PAX3: variants seen among roughly 807,000 people sequenced by gnomAD.
PAX3 encodes paired box 3.
A neutral mutation model predicts 51.6 loss-of-function variants in PAX3; 14 were observed. The observed-to-expected ratio is 0.27, with a 90% CI of 0.18 to 0.42. PAX3 has a LOEUF of 0.42. PAX3 is among the 10% of genes least tolerant of loss of function. PAX3 has a pLI of 1.00. For synonymous variants in PAX3, 280 were observed against 253.4 expected (o/e 1.11, Z -1.00); for missense variants, 540 against 642.8 (o/e 0.84, Z 1.73).
rs149208357 is a variant in PAX3 at position 222,280,430 on chromosome 2, G to A, written c.586+13737C>T. The stretch of plus-strand genomic sequence containing the variant: ...AGAAAGAAAAAAGAAAGAAAGAAAG[G>A]AAGGAAGGAAGGAAGAAAGAAAGAG... On this transcript the variant is annotated intron_variant, in intron 4 of 8. Transcript: ENST00000392070. 4.2e-3 allele frequency among the ~76,000 whole-genome samples: 629 copies of A among 150,202 alleles called. 2 individuals carry two copies. The highest frequency in any genetic ancestry group is 0.01 in the African/African-American group (414 of 40,710).
In PAX3 at chr2:222,200,139, A is replaced by C. The variant is rs1691238819; in HGVS notation, c.*1269T>G. 1 of 214,892 alleles carries C rather than the reference A, an allele frequency of 4.7e-6. No homozygotes were observed. The highest frequency in any genetic ancestry group is 9.4e-6 in the Non-Finnish European group (1 of 106,134). The allele number at this position is 214,892 out of a possible 1,614,324, so 13.3% of individuals were successfully genotyped here. On this transcript the variant is annotated 3_prime_UTR_variant, in exon 9 of 9. Transcript: ENST00000392070. Reference sequence around the variant, plus strand: ...TGCCTACCTCATTCGTGGTTCCAAGAATAGAAAGAAATAAATAACACTGCC... The same window carrying C: ...TGCCTACCTCATTCGTGGTTCCAAGCATAGAAAGAAATAAATAACACTGCC...
At chr2:222,277,718 G>A (rs113511835) in intron 4 of PAX3, among the ~76,000 whole-genome samples, 4 of 151,950 alleles carry the variant, frequency 2.6e-5, no homozygotes, top group Admixed American at 2.0e-4. Flanking sequence ...GGCGGATCAC[G>A]AGGTCAAGAG....
chr2:222,221,086 G>T, intron 6 of PAX3, 136 bp downstream of exon 6: 1 of 837,238 alleles, frequency 1.2e-6, no homozygotes, highest in Non-Finnish European at 2.1e-6. Context: ...AATGTGATAG[G>T]TACGTTCAGG....
chr2:222,280,674 C>G (rs1452182867), intron 4 of PAX3, among the ~76,000 whole-genome samples: 1 of 152,156 alleles, frequency 6.6e-6, no homozygotes, highest in Non-Finnish European at 1.5e-5. Context: ...GAAAGACCAG[C>G]TGATACTTTC....
At chr2:222,274,722 GA>G (rs1044446763) in intron 4 of PAX3, among the ~76,000 whole-genome samples, 2 of 151,538 alleles carry the variant, frequency 1.3e-5, no homozygotes, top group Admixed American at 6.6e-5. Flanking sequence ...AGAAAACATG[GA>G]AAAAAAATAA....
At chr2:222,221,489 G>A in intron 5 of PAX3, 102 bp from the exon 6 acceptor site, 1 of 1,094,212 alleles carries the variant, frequency 9.1e-7, no homozygotes. Context: ...CTTACTGAAA[G>A]GGCAAATAGA....
At chr2:222,261,562 G>C (rs1409262069) in intron 4 of PAX3, among the ~76,000 whole-genome samples, 1 of 150,798 alleles carries the variant, frequency 6.6e-6, no homozygotes, top group African/African-American at 2.4e-5. Flanking sequence ...CAGAACAGAG[G>C]GTGGGTTTCT....
At chr2:222,251,035 G>T (rs1693410132) in intron 4 of PAX3, among the ~76,000 whole-genome samples, 1 of 152,116 alleles carries the variant, frequency 6.6e-6, no homozygotes. Context: ...ACCACTTTGT[G>T]GTCATAACCA....
At chr2:222,246,320 A>G (rs991520522) in intron 4 of PAX3, among the ~76,000 whole-genome samples, 3 of 152,242 alleles carry the variant, frequency 2.0e-5, no homozygotes, top group Non-Finnish European at 4.4e-5. Context: ...ACAGATGCCA[A>G]CATTTAAAGA....
intron 5 of PAX3, among the ~76,000 whole-genome samples, chr2:222,223,351 TA>T (rs1245944396): frequency 3.3e-5 from 5 of 152,288 alleles, no homozygotes; most frequent in African/African-American, 1.2e-4. Context: ...ATAATTGAAT[TA>T]GAGTTTTACT....
At position 222,220,192 on chromosome 2, in the gene PAX3, G is replaced by A. The variant is rs45607236; in HGVS notation, c.1121C>T (p.Ser374Leu). 2.4e-5 allele frequency: 39 copies of A among 1,613,774 alleles called. No individual in the cohort carries two copies. The Admixed American group carries it at 4.3e-4, about 18-fold the overall frequency. ...GGGGTTCATGGGGTTGGAGGGCCCC[G>A]ACGGAGGCACAAAGCTGTCTGTATA... ...SSYTDSFVPPSGPSNPMNPTI... is the reference protein window; with the variant it reads ...SSYTDSFVPPLGPSNPMNPTI... Residue 374 changes from serine (S) to leucine (L), a missense_variant, in exon 7 of 9, where the codon TCG (serine) becomes TTG (leucine). Physicochemically the swap from Ser to Leu is moderately radical, Grantham distance 145 (BLOSUM62 -2). Coordinates refer to ENST00000392070, the MANE Select transcript of PAX3 (RefSeq NM_181458.4).
rs1326884522 is a variant in PAX3, at chr2:222,214,871, A to G, written c.1173+5269T>C. ...TTCTTACCATGGGGATTTATTAATA[A>G]CAGTTAAAGGTTCTCTAAAACAAAA... On this transcript the variant is annotated intron_variant, in intron 7 of 8. Transcript: ENST00000392070. 36 of 148,650 alleles carry G rather than the reference A, an allele frequency of 2.4e-4. No individual in the cohort carries two copies. The Admixed American group carries it at 2.5e-3, about 10-fold the overall frequency. The allele number at this position is 148,650 out of a possible 1,614,324, so 9.2% of individuals were successfully genotyped here.
intron 5 of PAX3, among the ~76,000 whole-genome samples, chr2:222,227,289 C>T (rs1417645782): frequency 6.6e-6 from 1 of 152,138 alleles, no homozygotes; most frequent in African/African-American, 2.4e-5. Context: ...TTTACTAAAA[C>T]TTTTGCACAT....
Position 222,294,232 on chromosome 2 carries a change from C to T in PAX3, c.521G>A (p.Arg174Lys). 1 of 1,614,268 alleles carries T rather than the reference C, an allele frequency of 6.2e-7. No individual in the cohort carries two copies. Among genetic ancestry groups the T allele is most frequent in the South Asian group, 1.1e-5 (1 of 91,090 alleles). ...CTTCTCGCTTTCCTCTGCCTCCTTC[C>T]TCTCCAAGTCGGCCTCCTCCTCTTC... ...KGEEEEADLE[R>K]KEAEESEKKA... Residue 174 changes from arginine to lysine, a missense_variant, in exon 4 of 9, where the codon AGG becomes AAG. Arg to Lys is a conservative substitution (Grantham distance 26). This residue lies in a region of PAX3 where 427 missense variants were observed against 483.6 expected (regional missense o/e 0.88). Transcript: ENST00000392070.
intron 4 of PAX3, among the ~76,000 whole-genome samples, chr2:222,244,427 A>G (rs1693138084): frequency 6.6e-6 from 1 of 152,188 alleles, no homozygotes; most frequent in African/African-American, 2.4e-5. Flanking sequence ...CATCTGCTCC[A>G]AAGACTGGTT....
intron 4 of PAX3, among the ~76,000 whole-genome samples, chr2:222,276,301 C>T (rs141201479): frequency 5.9e-5 from 9 of 152,322 alleles, no homozygotes; most frequent in Non-Finnish European, 1.2e-4. Flanking sequence ...GAAGAAGAGC[C>T]GGTGTGTTCA....
chr2:222,282,435 C>T (rs1694679403), intron 4 of PAX3, among the ~76,000 whole-genome samples: 1 of 152,050 alleles, frequency 6.6e-6, no homozygotes, highest in Admixed American at 6.6e-5. Context: ...TGGATATATA[C>T]TCTCTAAAAA....
chr2:222,292,734 G>A (rs1490484756), intron 4 of PAX3, among the ~76,000 whole-genome samples: 1 of 152,188 alleles, frequency 6.6e-6, no homozygotes, highest in Non-Finnish European at 1.5e-5. Context: ...TCTTCTCAGA[G>A]ACCAAGGCAG....
chr2:222,215,545 G>A (rs933663112), intron 7 of PAX3, among the ~76,000 whole-genome samples: 1 of 152,004 alleles, frequency 6.6e-6, no homozygotes, highest in Non-Finnish European at 1.5e-5. Flanking sequence ...GTCTTGTTTT[G>A]GGGGTTTGGC....
Sources: allele counts gnomAD v4.1 joint callset (sites outside exome capture counted in the v4.1 genomes callset), GRCh38; gene constraint gnomAD v4.1.1; regional missense constraint gnomAD v4.1.1; transcripts MANE v1.5; gene names NCBI Gene and HGNC (gene_info 2026-07-23, HGNC 2026-07-21).